The following STAMBP variants were observed in gnomAD, a reference collection of about 807,000 sequenced individuals.
The protein encoded by STAMBP is STAM binding protein.
In STAMBP, 31 loss-of-function variants were observed where a neutral mutation model predicts 50.7. That is an observed-to-expected ratio of 0.61 (90% CI 0.46 to 0.83). The LOEUF (loss-of-function observed/expected upper bound fraction) is 0.83. Ranked by LOEUF, STAMBP falls within the 40% of genes least tolerant of loss-of-function variation. The pLI, the probability that STAMBP is intolerant of heterozygous loss-of-function variation, is 0.00. For synonymous variants in STAMBP, 211 were observed against 192.4 expected, an observed-to-expected ratio of 1.10 and a Z score of -0.80; for missense variants, 472 against 518.9, an observed-to-expected ratio of 0.91 and a Z score of 0.88.
In STAMBP at chr2:73,864,713, C is replaced by G. The variant is rs1474973049; in HGVS notation, c.*2454C>G. ...AGACCAGGAGACTTTTCCACTCTTG[C>G]AAGCTGCACAAGTACCATACTTAGT... On this transcript the variant is annotated 3_prime_UTR_variant, in exon 10 of 10. Coordinates refer to ENST00000394070, the MANE Select transcript of STAMBP (RefSeq NM_213622.4). The G allele has an allele frequency of 2.0e-5, 3 of 152,240 alleles. No individual in the cohort carries two copies. The highest frequency in any genetic ancestry group is 2.9e-5 in the Non-Finnish European group (2 of 68,064). 9.4% of individuals were successfully genotyped at this position (152,240 alleles called of 1,614,324 possible).
intron 2 of STAMBP, among the ~76,000 whole-genome samples, chr2:73,841,222 C>T (rs1471167299): frequency 6.6e-6 from 1 of 152,112 alleles, no homozygotes; most frequent in Admixed American, 6.5e-5. Context: ...ATCTGGGCCA[C>T]CGCTTTCTAT....
intron 2 of STAMBP, among the ~76,000 whole-genome samples, chr2:73,843,530 A>G (rs1353039117): frequency 6.6e-6 from 1 of 151,676 alleles, no homozygotes; most frequent in East Asian, 1.9e-4. Context: ...CGGTCTCCCA[A>G]AGTGCTGGGA....
At position 73,850,534 on chromosome 2, in the gene STAMBP, C is replaced by G. The variant is rs759424445; in HGVS notation, c.1005+21C>G. ...TTCATGTAAGCAATTCTGAGCTGTC[C>G]GAGAGTTAGTCTCTGCCTCTCCCAT... On this transcript the variant is annotated intron_variant, in intron 7 of 9. Coordinates refer to ENST00000394070, the MANE Select transcript of STAMBP (RefSeq NM_213622.4). This position sits in a 1 kb window ranked among gnomAD's most constrained non-coding sequence, Gnocchi z 4.3. 4 of 1,604,148 alleles carry G rather than the reference C, an allele frequency of 2.5e-6. No homozygotes were observed. The highest frequency in any genetic ancestry group is 8.5e-7 in the Non-Finnish European group (1 of 1,175,084).
At chr2:73,854,010 G>T (rs1445226662) in intron 7 of STAMBP, among the ~76,000 whole-genome samples, 7 of 152,174 alleles carry the variant, frequency 4.6e-5, no homozygotes, top group African/African-American at 1.7e-4. Context: ...CCACATTCTT[G>T]TGTGTAGTTT....
intron 4 of STAMBP, among the ~76,000 whole-genome samples, chr2:73,847,091 A>G (rs1676197385): frequency 6.6e-6 from 1 of 151,940 alleles, no homozygotes; most frequent in East Asian, 1.9e-4. Context: ...CAAAAAAAAA[A>G]AAAAAAAGAT....
intron 7 of STAMBP, among the ~76,000 whole-genome samples, chr2:73,852,891 T>G (rs1441321175): frequency 6.4e-5 from 9 of 140,014 alleles, no homozygotes; most frequent in African/African-American, 2.5e-4. Context: ...GTATTTTTAG[T>G]AGACTGGGTT....
At chr2:73,840,183 T>C (rs1367078719) in intron 2 of STAMBP, among the ~76,000 whole-genome samples, 1 of 152,198 alleles carries the variant, frequency 6.6e-6, no homozygotes, top group Non-Finnish European at 1.5e-5. Flanking sequence ...ACCTTTAGAA[T>C]AATTCTGGAC....
intron 4 of STAMBP, 124 bp from the exon 5 acceptor site, chr2:73,847,263 G>A: frequency 8.3e-7 from 1 of 1,206,900 alleles, no homozygotes; most frequent in Non-Finnish European, 1.1e-6. Context: ...CATGAATTCT[G>A]TGTTAGGTAA....
At chr2:73,851,986 G>C (rs1212241046) in intron 7 of STAMBP, among the ~76,000 whole-genome samples, 1 of 152,166 alleles carries the variant, frequency 6.6e-6, no homozygotes, top group Non-Finnish European at 1.5e-5. Context: ...TGGAGGGTCT[G>C]GGGTGGACAG....
downstream of STAMBP, among the ~76,000 whole-genome samples, chr2:73,868,301 A>T (rs1360974455): frequency 1.3e-5 from 2 of 152,280 alleles, no homozygotes; most frequent in East Asian, 3.9e-4. Flanking sequence ...AAAGTATCCT[A>T]ACTGCCAGCA....
At chr2:73,867,981 G>A (rs1013357524), downstream of STAMBP, among the ~76,000 whole-genome samples, 3 of 151,384 alleles carry the variant, frequency 2.0e-5, no homozygotes, top group African/African-American at 7.3e-5. Context: ...AAAATTAGCC[G>A]GCTGTGGTGG....
rs753568811 is a variant in STAMBP at position 73,830,985 on chromosome 2, T to G, written c.129T>G (p.Ile43Met). ...PRRYFRSGVE[I>M]IRMASIYSEE... ...GGTACTTCCGCTCTGGAGTTGAGAT[T>G]ATCCGAATGGCATCCATTTACTCTG... is the stretch of plus-strand genomic sequence containing the variant. Residue 43 changes from isoleucine (I) to methionine (M), a missense_variant, in exon 2 of 10, where the codon ATT (isoleucine) becomes ATG (methionine). Ile to Met is a conservative substitution (Grantham distance 10). Transcript: ENST00000394070. The G allele has an allele frequency of 1.2e-6, 2 of 1,614,220 alleles. No homozygotes were observed. The highest frequency in any genetic ancestry group is 4.5e-5 in the East Asian group (2 of 44,888).
In STAMBP at chr2:73,847,430, A is replaced by G; in HGVS notation, c.419A>G (p.Gln140Arg). 6.2e-7 allele frequency: 1 copy of G among 1,613,222 alleles called. No individual in the cohort carries two copies. The highest frequency in any genetic ancestry group is 1.3e-5 in the African/African-American group (1 of 74,994). ...EELARNMAIQ[Q>R]ELEKEKQRVA... ...TTGGCCCGGAACATGGCCATCCAGC[A>G]AGAGCTGGAAAAGGAAAAACAGAGG... is the stretch of plus-strand genomic sequence containing the variant. Residue 140 changes from glutamine (Q) to arginine (R), a missense_variant, in exon 5 of 10, where the codon CAA (glutamine) becomes CGA (arginine). Transcript: ENST00000394070.
At chr2:73,851,564 C>T (rs898139064) in intron 7 of STAMBP, among the ~76,000 whole-genome samples, 5 of 151,656 alleles carry the variant, frequency 3.3e-5, no homozygotes, top group Middle Eastern at 6.9e-3. Context: ...GGAGAAGAGG[C>T]GGACTCTGTC....
At chr2:73,855,769 A>G in intron 7 of STAMBP, 1 of 447,678 alleles carries the variant, frequency 2.2e-6, no homozygotes, top group South Asian at 1.6e-5. Flanking sequence ...GGTGCTTCTC[A>G]GATGAGGCTG....
In STAMBP at chr2:73,850,413, C is replaced by G. The variant is rs1464720188; in HGVS notation, c.905C>G (p.Pro302Arg). 3.7e-6 allele frequency: 6 copies of G among 1,613,174 alleles called. No individual in the cohort carries two copies. The highest frequency in any genetic ancestry group is 5.1e-6 in the Non-Finnish European group (6 of 1,179,716). Residue 302 changes from proline to arginine, a missense_variant, in exon 7 of 10, where the codon CCC becomes CGC. By Grantham distance (103) the Pro-to-Arg change is moderately radical. Transcript: ENST00000394070. This position sits in a 1 kb window ranked among gnomAD's most constrained non-coding sequence, Gnocchi z 4.3. ...NEFTITHVLI[P>R]KQSAGSDYCN... Reference sequence around the variant, plus strand: ...TTTACCATTACCCATGTTCTCATCCCCAAGCAAAGTGCTGGGTCTGATTAC... The same window carrying G: ...TTTACCATTACCCATGTTCTCATCCGCAAGCAAAGTGCTGGGTCTGATTAC...
intron 2 of STAMBP, among the ~76,000 whole-genome samples, chr2:73,839,091 T>G (rs1434394821): frequency 6.6e-6 from 1 of 152,246 alleles, no homozygotes; most frequent in African/African-American, 2.4e-5. Flanking sequence ...CCCCTACTAC[T>G]GAGAATCATT....
Position 73,849,424 on chromosome 2 carries a change from C to G in STAMBP, c.804C>G (p.Leu268=). 3 of 1,613,946 alleles carry G rather than the reference C, an allele frequency of 1.9e-6. No individual in the cohort carries two copies. The highest frequency in any genetic ancestry group is 2.5e-6 in the Non-Finnish European group (3 of 1,179,942). The change falls in exon 6 of 10, where the codon CTC becomes CTG. Residue 268 remains leucine, a synonymous_variant. Coordinates refer to ENST00000394070, the MANE Select transcript of STAMBP (RefSeq NM_213622.4). ...VVPGRLCPQF[L]QLASANTARG... is the part of the protein sequence containing the mutation. ...CTGGGCGGCTGTGCCCACAGTTTCT[C>G]CAGTTAGCCAGTGCCAACACTGCCC...
chr2:73,834,160 G>A (rs1168290652), intron 2 of STAMBP, among the ~76,000 whole-genome samples: 4 of 135,158 alleles, frequency 3.0e-5, no homozygotes, highest in South Asian at 2.6e-4. Context: ...GCAGTGAGCC[G>A]AGATCACGCC....
Sources: allele counts gnomAD v4.1 joint callset (sites outside exome capture counted in the v4.1 genomes callset), GRCh38; gene constraint gnomAD v4.1.1; non-coding constraint Gnocchi (gnomAD v3.1); transcripts MANE v1.5; gene names NCBI Gene and HGNC (gene_info 2026-07-23, HGNC 2026-07-21).